Variants in DNAH14 observed in about 807,000 individuals in gnomAD.
DNAH14 encodes axonemal beta dynein heavy chain 14.
Under a neutral mutation model 520.9 loss-of-function variants are expected in DNAH14, and 478 were observed. That is an observed-to-expected ratio of 0.92 (90% CI 0.85 to 0.99). The LOEUF (loss-of-function observed/expected upper bound fraction) is 0.99. Ranked by LOEUF, DNAH14 falls within the 50% of genes least tolerant of loss-of-function variation. DNAH14 has a pLI of 0.00. For synonymous variants in DNAH14, 1,581 were observed against 1,757.2 expected, an observed-to-expected ratio of 0.90 and a Z score of 2.51; for missense variants, 4,831 against 5,234.5, an observed-to-expected ratio of 0.92 and a Z score of 2.38.
Position 225,374,685 on chromosome 1 carries a change from A to G in DNAH14, c.12319-3A>G. ...ATAATAAAGACTCATGGGTTTTCCA[A>G]AGGTTGCCATTAAGGTGTTGGAAAA... On this transcript the variant is annotated splice_polypyrimidine_tract_variant and splice_region_variant and intron_variant, in intron 77 of 85. Coordinates refer to ENST00000682510, the MANE Select transcript of DNAH14 (RefSeq NM_001367479.1). 6.5e-7 allele frequency: 1 copy of G among 1,543,288 alleles called. No homozygotes were observed. Among genetic ancestry groups the G allele is most frequent in the South Asian group, 1.2e-5 (1 of 82,954 alleles).
Position 224,968,832 on chromosome 1 carries a change from A to G in DNAH14, c.725A>G (p.His242Arg). ...PTLEWLSERR[H>R]YYLLRQFKIF... ...TTGGAATGGCTATCAGAAAGAAGAC[A>G]TTACTATTTATTACGGCAATTCAAG... The change falls in exon 7 of 86, where the codon CAT becomes CGT. Residue 242 changes from histidine (H) to arginine (R), a missense_variant. His to Arg is a conservative substitution (Grantham distance 29). Transcript: ENST00000682510. The G allele has an allele frequency of 6.5e-7, 1 of 1,543,756 alleles. No homozygotes were observed. The highest frequency in any genetic ancestry group is 2.5e-5 in the East Asian group (1 of 40,298).
In DNAH14 at chr1:225,351,697, A is replaced by G. The variant is rs560876409; in HGVS notation, c.11347A>G (p.Arg3783Gly). 6.5e-7 allele frequency: 1 copy of G among 1,550,274 alleles called. No individual in the cohort carries two copies. The highest frequency in any genetic ancestry group is 8.7e-7 in the Non-Finnish European group (1 of 1,146,180). ...SQHLQWLSDS[R>G]WRQCQYVSTH... ...ACATCTTCAGTGGCTGTCAGATTCCAGGTGGAGGCAGTGCCAATATGTCAG... is the reference window on the plus strand; with the variant it reads ...ACATCTTCAGTGGCTGTCAGATTCCGGGTGGAGGCAGTGCCAATATGTCAG... Residue 3783 changes from arginine to glycine, a missense_variant, in exon 72 of 86, where the codon AGG (arginine) becomes GGG (glycine). By Grantham distance (125) the Arg-to-Gly change is moderately radical (BLOSUM62 -2). Coordinates refer to ENST00000682510, the MANE Select transcript of DNAH14 (RefSeq NM_001367479.1).
chr1:225,147,097 T>A lies in DNAH14; in HGVS notation c.4795-7T>A, dbSNP rs199878587. 7.7e-4 allele frequency: 1,161 copies of A among 1,498,572 alleles called. 6 individuals carry two copies. Among genetic ancestry groups the A allele is most frequent in the African/African-American group, 6.6e-3 (465 of 70,152 alleles). 92.8% of individuals were successfully genotyped at this position (1,498,572 alleles called of 1,614,324 possible). A position where few individuals can be genotyped will look rare whatever the true frequency, so the allele number is the denominator to read the frequency against. ...TTTAGTAATCAATCTCTTTTTTTTT[T>A]TAAAAGATAGTGAGAAAATTTTTCT... On this transcript the variant is annotated splice_polypyrimidine_tract_variant and splice_region_variant and intron_variant, in intron 30 of 85. Coordinates refer to ENST00000682510, the MANE Select transcript of DNAH14 (RefSeq NM_001367479.1).
At chr1:225,341,334 G>A (rs1001587590) in intron 69 of DNAH14, among the ~76,000 whole-genome samples, 1 of 152,064 alleles carries the variant, frequency 6.6e-6, no homozygotes, top group African/African-American at 2.4e-5. Flanking sequence ...ATTAAAACAT[G>A]CTGTTGGCCG....
chr1:225,392,577 T>G, intron 84 of DNAH14, 126 bp downstream of exon 84: 1 of 1,176,574 alleles, frequency 8.5e-7, no homozygotes, highest in South Asian at 1.6e-5. Flanking sequence ...GACAGGCAGA[T>G]CAACAAGCCC....
intron 23 of DNAH14, among the ~76,000 whole-genome samples, chr1:225,109,547 G>T (rs939514899): frequency 6.6e-6 from 1 of 151,732 alleles, no homozygotes; most frequent in Non-Finnish European, 1.5e-5. Flanking sequence ...ACTGATTTTT[G>T]TATGTTGATT....
intron 55 of DNAH14, among the ~76,000 whole-genome samples, chr1:225,295,510 G>T (rs1040910590): frequency 3.3e-5 from 5 of 152,010 alleles, no homozygotes; most frequent in Non-Finnish European, 5.9e-5. Flanking sequence ...TCATCCATTT[G>T]TTGTTCAGGA....
At chr1:225,233,530 G>T (rs1447870834) in intron 42 of DNAH14, among the ~76,000 whole-genome samples, 1 of 152,132 alleles carries the variant, frequency 6.6e-6, no homozygotes, top group Non-Finnish European at 1.5e-5. Flanking sequence ...GCTCGTTGTG[G>T]TTTTGATTTG....
chr1:225,087,760 CAG>C (rs1424291361), intron 21 of DNAH14, among the ~76,000 whole-genome samples: 1 of 152,148 alleles, frequency 6.6e-6, no homozygotes, highest in East Asian at 1.9e-4. Flanking sequence ...GCTGCGGAGA[CAG>C]AGATCTTCAT....
chr1:225,192,162 A>G (rs1016646443), intron 37 of DNAH14, among the ~76,000 whole-genome samples: 5 of 152,026 alleles, frequency 3.3e-5, no homozygotes, highest in East Asian at 3.9e-4. Context: ...GAGGCCTTAT[A>G]TGGTCTGTCA....
At chr1:225,240,270 A>G (rs2091891750) in intron 42 of DNAH14, among the ~76,000 whole-genome samples, 1 of 150,144 alleles carries the variant, frequency 6.7e-6, no homozygotes, top group Non-Finnish European at 1.5e-5. Flanking sequence ...TGTATATTAA[A>G]TAACATACTA....
chr1:225,079,404 A>G lies in DNAH14; in HGVS notation c.2622A>G (p.Gln874=). Reference sequence around the variant, plus strand: ...CAGAAGAGCAAATTGCCATATTCCAAGTTCTTCTTCTTAAGTTTAGTCAAC... The same window carrying G: ...CAGAAGAGCAAATTGCCATATTCCAGGTTCTTCTTCTTAAGTTTAGTCAAC... ...HISEEQIAIF[Q]VLLLKFSQLK... Residue 874 remains glutamine (Q), a synonymous_variant, in exon 18 of 86, where the codon CAA becomes CAG. Coordinates refer to ENST00000682510, the MANE Select transcript of DNAH14 (RefSeq NM_001367479.1). 6.4e-7 allele frequency: 1 copy of G among 1,550,844 alleles called. No homozygotes were observed. Among genetic ancestry groups the G allele is most frequent in the African/African-American group, 1.4e-5 (1 of 73,128 alleles).
intron 10 of DNAH14, among the ~76,000 whole-genome samples, chr1:225,015,402 G>T (rs568631580): frequency 6.6e-6 from 1 of 152,042 alleles, no homozygotes; most frequent in Admixed American, 6.5e-5. Context: ...TTGCAGTTAG[G>T]TGGTTTTCCG....
chr1:225,309,834 AG>A (rs1271549820), intron 60 of DNAH14, among the ~76,000 whole-genome samples: 4 of 152,268 alleles, frequency 2.6e-5, no homozygotes, highest in Admixed American at 2.6e-4. Flanking sequence ...CGGAGATTGC[AG>A]TGAGCCAAGA....
Position 225,358,569 on chromosome 1 carries a change from A to G in DNAH14, c.11693A>G (p.Tyr3898Cys). ...ATAACTGAAAAAATGGGAAATAAGT[A>G]TCTTCAAAGAACTGGAGTTAATTTG... ...KFITEKMGNK[Y>C]LQRTGVNLKD... The change falls in exon 74 of 86, where the codon TAT becomes TGT. Residue 3898 changes from tyrosine (Y) to cysteine (C), a missense_variant. Physicochemically the swap from Tyr to Cys is radical, Grantham distance 194. Coordinates refer to ENST00000682510, the MANE Select transcript of DNAH14 (RefSeq NM_001367479.1). 6.5e-7 allele frequency: 1 copy of G among 1,549,828 alleles called. No individual in the cohort carries two copies. The highest frequency in any genetic ancestry group is 1.2e-5 in the South Asian group (1 of 83,548).
At chr1:225,131,459 C>G (rs1186261832) in intron 27 of DNAH14, among the ~76,000 whole-genome samples, 1 of 152,170 alleles carries the variant, frequency 6.6e-6, no homozygotes, top group South Asian at 2.1e-4. Context: ...GTGCATCTTT[C>G]TGACTATTCT....
chr1:225,308,772 A>C (rs1459086078), intron 60 of DNAH14, among the ~76,000 whole-genome samples: 1 of 152,210 alleles, frequency 6.6e-6, no homozygotes, highest in Non-Finnish European at 1.5e-5. Flanking sequence ...GGTGTGTGTC[A>C]CTTCTGTTGC....
At chr1:225,258,218 C>A (rs2092809768) in intron 45 of DNAH14, 100 bp downstream of exon 45, 1 of 1,128,160 alleles carries the variant, frequency 8.9e-7, no homozygotes, top group Non-Finnish European at 1.2e-6. Context: ...AAAAAATATA[C>A]ACTGAAAAGT....
intron 34 of DNAH14, among the ~76,000 whole-genome samples, chr1:225,154,772 A>G (rs1331402074): frequency 6.6e-6 from 1 of 152,088 alleles, no homozygotes. Flanking sequence ...GGAGTACGGA[A>G]GATCTTTAAA....
Sources: allele counts gnomAD v4.1 joint callset (sites outside exome capture counted in the v4.1 genomes callset), GRCh38; gene constraint gnomAD v4.1.1; transcripts MANE v1.5; gene names NCBI Gene and HGNC (gene_info 2026-07-23, HGNC 2026-07-21).